Variants in NBEAL1 observed in about 807,000 individuals in gnomAD.
NBEAL1 encodes neurobeachin-like protein 1.
NBEAL1 carries 273 observed loss-of-function variants against 351.3 expected under a neutral mutation model. The observed-to-expected ratio is 0.78, with a 90% CI of 0.70 to 0.86. NBEAL1 has a LOEUF of 0.86. Among genes scored for constraint, NBEAL1 ranks in the 40% least tolerant of loss-of-function variants. The probability of loss-of-function intolerance (pLI) is 0.00; values close to 1 mark genes in which losing one functional copy is unlikely to be tolerated. For missense variants in NBEAL1, 2,961 were observed against 3,201.3 expected (o/e 0.92, Z 1.81); for synonymous variants, 1,050 against 1,086.4 (o/e 0.97, Z 0.66).
At chr2:203,102,601 A>T (rs931558679) in intron 12 of NBEAL1, among the ~76,000 whole-genome samples, 4 of 152,140 alleles carry the variant, frequency 2.6e-5, no homozygotes, top group Non-Finnish European at 5.9e-5. Flanking sequence ...TTATGTGATG[A>T]ATCACATTTA....
chr2:203,207,102 C>G (rs1249130832), intron 51 of NBEAL1, among the ~76,000 whole-genome samples: 3 of 148,658 alleles, frequency 2.0e-5, no homozygotes, highest in Non-Finnish European at 4.6e-5. Flanking sequence ...GCGTCTCTGC[C>G]CGGCCGCCCC....
At chr2:203,100,457 G>A (rs149947225) in intron 12 of NBEAL1, among the ~76,000 whole-genome samples, 21 of 152,024 alleles carry the variant, frequency 1.4e-4, no homozygotes, top group Admixed American at 6.6e-4. Flanking sequence ...GGTGTGAGAT[G>A]GTATGTCATT....
chr2:203,126,306 A>G (rs1052284181), intron 21 of NBEAL1, among the ~76,000 whole-genome samples: 3 of 152,192 alleles, frequency 2.0e-5, no homozygotes, highest in Admixed American at 1.3e-4. Flanking sequence ...ATAATCTTTG[A>G]TGTATACAAC....
Position 203,116,058 on chromosome 2 carries a change from C to T in NBEAL1, c.2580C>T (p.Tyr860=), listed in dbSNP as rs1398654871. ...MADLPGNILL[Y]YTAKACKNSI... ...ACCTGCCTGGTAACATCCTTCTTTA[C>T]TACACAGCAAAGGTCAGAGTAAATT... Residue 860 remains tyrosine (Y), a synonymous_variant, in exon 18 of 56, where the codon TAC becomes TAT. Coordinates refer to ENST00000683969, the MANE Select transcript of NBEAL1 (RefSeq NM_001378026.1). 1 of 1,552,636 alleles carries T rather than the reference C, an allele frequency of 6.4e-7. No homozygotes were observed. The highest frequency in any genetic ancestry group is 8.7e-7 in the Non-Finnish European group (1 of 1,146,620).
At chr2:203,061,045 T>C (rs2061491356) in intron 6 of NBEAL1, among the ~76,000 whole-genome samples, 1 of 152,206 alleles carries the variant, frequency 6.6e-6, no homozygotes, top group African/African-American at 2.4e-5. Context: ...ATGAAACTTA[T>C]GAACTAAAGA....
rs558159994 is a variant in NBEAL1, at chr2:203,041,830, C to T, written c.117C>T (p.Asp39=). ...TFVSSYEQFL[D]VDFEKLPTRV... ...TTTCTAGCTATGAACAATTTTTAGA[C>T]GTTGACTTTGAAAAGCTGCCTACCA... The change falls in exon 3 of 56, where the codon GAC becomes GAT. Residue 39 remains aspartate (D), a synonymous_variant. Transcript: ENST00000683969. 83 of 1,553,352 alleles carry T rather than the reference C, an allele frequency of 5.3e-5. No individual in the cohort carries two copies. The highest frequency in any genetic ancestry group is 3.6e-4 in the East Asian group (15 of 41,760).
intron 7 of NBEAL1, chr2:203,075,193 A>G (rs2061750632): frequency 6.6e-6 from 1 of 152,104 alleles, no homozygotes. Context: ...TTTCTAATAT[A>G]TTTCCTTTAT....
chr2:203,069,985 A>G (rs563813446), intron 7 of NBEAL1, among the ~76,000 whole-genome samples: 2 of 152,312 alleles, frequency 1.3e-5, no homozygotes, highest in South Asian at 4.1e-4. Context: ...TGTATTTTTC[A>G]TTTTTAAAAC....
intron 44 of NBEAL1, among the ~76,000 whole-genome samples, chr2:203,186,617 AAAATAAAT>A (rs201998154): frequency 1.7e-4 from 26 of 152,084 alleles, no homozygotes; most frequent in South Asian, 1.5e-3. Flanking sequence ...TTATTCCATA[AAAATAAAT>A]AAATAAATAA....
intron 55 of NBEAL1, among the ~76,000 whole-genome samples, chr2:203,215,029 TTATC>T (rs1268477542): frequency 2.0e-5 from 3 of 152,106 alleles, no homozygotes; most frequent in Non-Finnish European, 4.4e-5. Context: ...TGTATGAGGC[TTATC>T]TTTTATCACT....
chr2:203,208,909 A>G (rs2065690028), intron 52 of NBEAL1, among the ~76,000 whole-genome samples, 156 bp downstream of exon 52: 1 of 152,254 alleles, frequency 6.6e-6, no homozygotes, highest in South Asian at 2.1e-4. Flanking sequence ...ACTTTGCAAA[A>G]TAAAGAAATC....
rs1175333636 is a variant in NBEAL1, at chr2:203,220,251, C to T, written c.*2897C>T. ...CTATAATCCCAGCTCTTTGGGAGGC[C>T]GAGGTGGGCGGATCACAAGGTCAGG... On this transcript the variant is annotated 3_prime_UTR_variant, in exon 56 of 56. Transcript: ENST00000683969. Among the ~76,000 whole-genome samples, 2 of 151,910 alleles carry T rather than the reference C, an allele frequency of 1.3e-5. No homozygotes were observed. The highest frequency in any genetic ancestry group is 2.4e-5 in the African/African-American group (1 of 41,342).
At chr2:203,098,822 TTATAAG>T (rs1453592416) in intron 11 of NBEAL1, among the ~76,000 whole-genome samples, 2 of 152,164 alleles carry the variant, frequency 1.3e-5, no homozygotes, top group African/African-American at 2.4e-5. Context: ...ATTTAATTGT[TTATAAG>T]TATAATTGAT....
chr2:203,056,367 A>G (rs889354442), intron 4 of NBEAL1, 60 bp from the exon 5 acceptor site: 1 of 885,736 alleles, frequency 1.1e-6, no homozygotes, highest in Non-Finnish European at 1.8e-6. Context: ...AGCTGAATTC[A>G]TGAACATATG....
In NBEAL1 at chr2:203,135,343, A is replaced by G. The variant is rs186063804; in HGVS notation, c.3814-334A>G. On this transcript the variant is annotated intron_variant, in intron 27 of 55. Coordinates refer to ENST00000683969, the MANE Select transcript of NBEAL1 (RefSeq NM_001378026.1). Reference sequence around the variant, plus strand: ...GCAATAATATTTCCTGAACAAATGTAGGGGGCTCATGGAAAGTATTTAGTT... The same window carrying G: ...GCAATAATATTTCCTGAACAAATGTGGGGGGCTCATGGAAAGTATTTAGTT... Among the ~76,000 whole-genome samples the G allele has an allele frequency of 1.3e-4, 20 of 152,256 alleles. No homozygotes were observed. The East Asian group carries it at 3.9e-3, about 29-fold the overall frequency.
intron 2 of NBEAL1, among the ~76,000 whole-genome samples, chr2:203,036,290 G>C (rs1283612325): frequency 6.7e-6 from 1 of 149,116 alleles, no homozygotes; most frequent in Non-Finnish European, 1.5e-5. Flanking sequence ...CGTTTTTATA[G>C]AATGTATAAA....
intron 2 of NBEAL1, among the ~76,000 whole-genome samples, chr2:203,030,691 A>T (rs2060936356): frequency 6.6e-6 from 1 of 152,138 alleles, no homozygotes; most frequent in Non-Finnish European, 1.5e-5. Context: ...GTAAACATGG[A>T]TCTAGAAAGA....
At chr2:203,118,109 A>C (rs550134586) in intron 18 of NBEAL1, among the ~76,000 whole-genome samples, 1 of 152,338 alleles carries the variant, frequency 6.6e-6, no homozygotes, top group East Asian at 1.9e-4. Flanking sequence ...AGAATGGTAA[A>C]GTGATATCCT....
In NBEAL1 at chr2:203,151,391, TAC is replaced by T. The variant is rs534386676; in HGVS notation, c.5463-72_5463-71del. 1,388 of 1,114,542 alleles carry T rather than the reference TAC, an allele frequency of 1.2e-3. 3 individuals are homozygous for T. The highest frequency in any genetic ancestry group is 1.7e-3 in the Non-Finnish European group (1,331 of 795,706). The allele number at this position is 1,114,542 out of a possible 1,614,324, so 69.0% of individuals were successfully genotyped here. On this transcript the variant is annotated intron_variant, in intron 34 of 55. Transcript: ENST00000683969. ...AAATGTAAAATACTTGATACTTTTT[TAC>T]ATTATTTAAATCAAACAATCTTTGT...
Sources: gnomAD v4.1 joint callset for allele counts (sites outside exome capture counted in the v4.1 genomes callset) on GRCh38, gnomAD v4.1.1 for gene constraint, MANE v1.5 for transcripts, NCBI Gene and HGNC (gene_info 2026-07-23, HGNC 2026-07-21) for gene names.